Variants in RP1 observed in about 807,000 individuals in gnomAD.
The protein encoded by RP1 is oxygen-regulated protein 1.
Under a neutral mutation model 14.8 loss-of-function variants are expected in RP1, and 16 were observed. The observed-to-expected ratio is 1.08, with a 90% CI of 0.73 to 1.65. The LOEUF (loss-of-function observed/expected upper bound fraction) is 1.65, where lower values mean the gene tolerates loss of function less well. Ranked by LOEUF, RP1 falls within the 40% of genes most tolerant of loss-of-function variation. The probability of loss-of-function intolerance (pLI) is 0.00; values close to 1 mark genes in which losing one functional copy is unlikely to be tolerated. For missense variants in RP1, 2,631 were observed against 2,535.0 expected, an observed-to-expected ratio of 1.04 and a Z score of -0.81; for synonymous variants, 876 against 883.6, an observed-to-expected ratio of 0.99 and a Z score of 0.15.
rs142751660 is a variant in RP1, at chr8:54,674,135, G to T, written c.1402+207G>T. Among the ~76,000 whole-genome samples, 153 of 152,012 alleles carry T rather than the reference G, an allele frequency of 1.0e-3. 1 individual carries two copies. The highest frequency in any genetic ancestry group is 3.6e-3 in the African/African-American group (149 of 41,446). ...CAAAATGACATAGGCTTGGCCAAGG[G>T]GATAATCTAGGATGGGCCTAAATAC... On this transcript the variant is annotated intron_variant, in intron 8 of 22. Coordinates refer to the RP1 transcript ENST00000636932.
rs34757001 is a variant in RP1 at position 54,806,758 on chromosome 8, C to CA, written c.3615+23056dup. Among the ~76,000 whole-genome samples, 171 of 151,698 alleles carry CA rather than the reference C, an allele frequency of 1.1e-3. 2 individuals carry two copies. The highest frequency in any genetic ancestry group is 4.2e-3 in the South Asian group (20 of 4,804). ...CTCCATTTCTTTCTTTGTATTTTTA[C>CA]AAAAAAAATTCTTTGTTTTTAACAA... On this transcript the variant is annotated intron_variant, in intron 24 of 28. Coordinates refer to the RP1 transcript ENST00000637698.
intron 1 of RP1, among the ~76,000 whole-genome samples, chr8:54,595,931 T>G (rs891143374): frequency 2.0e-5 from 3 of 152,214 alleles, no homozygotes; most frequent in African/African-American, 7.2e-5. Context: ...ATTAGCTTTT[T>G]TCATTCTTTC....
chr8:54,631,949 C>A (rs184987713), downstream of RP1, among the ~76,000 whole-genome samples: 76 of 151,864 alleles, frequency 5.0e-4, no homozygotes, highest in Admixed American at 1.9e-3. Context: ...TCAGGTGATT[C>A]TCCTGCCTCA....
chr8:54,652,011 C>CT (rs11463056), intron 4 of RP1, among the ~76,000 whole-genome samples: 106,895 of 146,276 alleles, frequency 0.73, 40,234 homozygotes, highest in Middle Eastern at 0.87. Context: ...TTAATTTACA[C>CT]TTTTTTTTTT....
At chr8:54,823,860 C>T (rs996020524) in intron 24 of RP1, among the ~76,000 whole-genome samples, 8 of 152,158 alleles carry the variant, frequency 5.3e-5, no homozygotes, top group African/African-American at 1.7e-4. Context: ...ATTATGGAAA[C>T]TGTCAAAGTA....
intron 24 of RP1, among the ~76,000 whole-genome samples, chr8:54,793,945 T>C (rs1297675672): frequency 6.6e-6 from 1 of 151,786 alleles, no homozygotes; most frequent in African/African-American, 2.4e-5. Flanking sequence ...AAAAAGCAGT[T>C]AGAATAAACA....
chr8:54,658,737 T>C (rs938173765), intron 6 of RP1, among the ~76,000 whole-genome samples: 22 of 152,184 alleles, frequency 1.4e-4, no homozygotes, highest in Admixed American at 2.0e-4. Flanking sequence ...TGAACTCTTT[T>C]GGGTGTGTAT....
intron 28 of RP1, among the ~76,000 whole-genome samples, chr8:54,868,302 G>T (rs528782185): frequency 2.0e-4 from 31 of 152,214 alleles, no homozygotes; most frequent in African/African-American, 6.7e-4. Flanking sequence ...ATGGTTTATT[G>T]TATCATACTA....
chr8:54,726,688 T>C (rs1808663295), intron 17 of RP1, among the ~76,000 whole-genome samples: 1 of 152,064 alleles, frequency 6.6e-6, no homozygotes, highest in African/African-American at 2.4e-5. Context: ...TTGTCTTAAA[T>C]TTAATGTTCA....
intron 17 of RP1, among the ~76,000 whole-genome samples, chr8:54,728,304 G>C (rs1808708488): frequency 6.6e-6 from 1 of 152,080 alleles, no homozygotes; most frequent in African/African-American, 2.4e-5. Context: ...TAGTTAAAAA[G>C]TTGCTTCTTG....
chr8:54,639,605 C>A (rs1311801330), intron 3 of RP1, among the ~76,000 whole-genome samples: 1 of 152,066 alleles, frequency 6.6e-6, no homozygotes, highest in Non-Finnish European at 1.5e-5. Context: ...TTAGCTATAC[C>A]AGTGTGTTTA....
At chr8:54,696,103 G>A (rs377755900) in intron 12 of RP1, among the ~76,000 whole-genome samples, 1 of 151,934 alleles carries the variant, frequency 6.6e-6, no homozygotes, top group East Asian at 1.9e-4. Context: ...TTAACTAAAA[G>A]TGTTTGCCTG....
intron 22 of RP1, chr8:54,769,611 C>G: frequency 1.5e-6 from 1 of 657,614 alleles, no homozygotes; most frequent in Non-Finnish European, 2.6e-6. Flanking sequence ...TAAAAAGCAA[C>G]TTTATAGTTA....
At chr8:54,663,798 G>T in exon 7 of RP1, 1 of 1,535,004 alleles carries the variant, frequency 6.5e-7, no homozygotes, top group South Asian at 1.2e-5. Context: ...GGAGATACAG[G>T]ATCCAGACAA....
chr8:54,759,201 A>G (rs1307121070), intron 22 of RP1: 29 of 930,638 alleles, frequency 3.1e-5, no homozygotes, highest in Non-Finnish European at 2.2e-5. Flanking sequence ...GATTTGTTTC[A>G]TTAACTCAGA....
chr8:54,624,217 G>A (rs1333410770), intron 3 of RP1, among the ~76,000 whole-genome samples: 2 of 151,854 alleles, frequency 1.3e-5, no homozygotes, highest in African/African-American at 4.8e-5. Context: ...CGAGGCGGGC[G>A]GATCATGAGG....
intron 23 of RP1, among the ~76,000 whole-genome samples, chr8:54,777,942 G>A (rs1202611033): frequency 1.3e-5 from 2 of 152,062 alleles, no homozygotes; most frequent in African/African-American, 4.8e-5. Context: ...TCATCAGAAG[G>A]ACTTGTTTTT....
intron 25 of RP1, among the ~76,000 whole-genome samples, chr8:54,849,042 C>G (rs1487200677): frequency 6.6e-6 from 1 of 152,106 alleles, no homozygotes; most frequent in Non-Finnish European, 1.5e-5. Flanking sequence ...AGCTACTGCA[C>G]GTGGCCTAGG....
intron 27 of RP1, among the ~76,000 whole-genome samples, chr8:54,860,747 G>T (rs73679638): frequency 0.015 from 2,220 of 152,330 alleles, 59 homozygotes; most frequent in African/African-American, 0.05. Context: ...GTGCTCACAG[G>T]CAGGGCCTAT....
Sources: allele counts gnomAD v4.1 joint callset (sites outside exome capture counted in the v4.1 genomes callset), GRCh38; gene constraint gnomAD v4.1.1; transcripts MANE v1.5; gene names NCBI Gene and HGNC (gene_info 2026-07-23, HGNC 2026-07-21).